SEMA5A: variants seen among roughly 807,000 people sequenced by gnomAD.
The protein encoded by SEMA5A is semaphorin-5A.
In SEMA5A, 55 loss-of-function variants were observed where a neutral mutation model predicts 135.5. The ratio of observed to expected loss-of-function variants is 0.41; its 90% confidence interval spans 0.33 to 0.51. The LOEUF is 0.51. Among genes scored for constraint, SEMA5A ranks in the 20% least tolerant of loss-of-function variants. The pLI is 0.37. For synonymous variants in SEMA5A, 580 were observed against 546.5 expected, an observed-to-expected ratio of 1.06 and a Z score of -0.85; for missense variants, 1,290 against 1,419.9, an observed-to-expected ratio of 0.91 and a Z score of 1.47.
chr5:9,342,216 A>G (rs752538764), intron 3 of SEMA5A, among the ~76,000 whole-genome samples: 1 of 152,224 alleles, frequency 6.6e-6, no homozygotes, highest in South Asian at 2.1e-4. Context: ...AAACCAAAAC[A>G]ACAACAGCAA....
chr5:9,370,398 A>G (rs1235261797), intron 3 of SEMA5A, among the ~76,000 whole-genome samples: 1 of 152,210 alleles, frequency 6.6e-6, no homozygotes, highest in Non-Finnish European at 1.5e-5. Flanking sequence ...GAATCCATTC[A>G]TTTTGGTGCT....
chr5:9,154,093 A>ATATGTGTGTGTGTGTG (rs372321939), intron 12 of SEMA5A, among the ~76,000 whole-genome samples: 4 of 73,510 alleles, frequency 5.4e-5, no homozygotes, highest in East Asian at 6.2e-4. Context: ...ATATATATAT[A>ATATGTGTGTGTGTGTG]TGTGTGTGTG....
At position 9,036,363 on chromosome 5, in the gene SEMA5A, A is replaced by G. The variant is rs192066687; in HGVS notation, c.*6534T>C. 120 of 152,312 alleles carry G rather than the reference A, an allele frequency of 7.9e-4. No individual in the cohort carries two copies. Among genetic ancestry groups the G allele is most frequent in the African/African-American group, 2.8e-3 (117 of 41,582 alleles). The allele number at this position is 152,312 out of a possible 1,614,324, so 9.4% of individuals were successfully genotyped here. A position where few individuals can be genotyped will look rare whatever the true frequency, so the allele number is the denominator to read the frequency against. ...TGAACTTGTGAAGCAGTTTTGATAT[A>G]AACTTAAAAATAATCAGGCAATGTT... On this transcript the variant is annotated 3_prime_UTR_variant, in exon 23 of 23. Coordinates refer to ENST00000382496, the MANE Select transcript of SEMA5A (RefSeq NM_003966.3).
intron 1 of SEMA5A, among the ~76,000 whole-genome samples, chr5:9,505,431 T>C (rs1024528253): frequency 2.6e-5 from 4 of 152,204 alleles, no homozygotes; most frequent in African/African-American, 9.7e-5. Flanking sequence ...TAATTAACAG[T>C]GGGTGATCTC....
chr5:9,262,687 A>C, intron 5 of SEMA5A, among the ~76,000 whole-genome samples: 1 of 84,412 alleles, frequency 1.2e-5, no homozygotes, highest in Admixed American at 1.4e-4. Context: ...ATAGGTGGGA[A>C]TTGAACAATG....
At chr5:9,508,545 G>A (rs1271458894) in intron 1 of SEMA5A, among the ~76,000 whole-genome samples, 2 of 152,170 alleles carry the variant, frequency 1.3e-5, no homozygotes, top group African/African-American at 4.8e-5. Context: ...TCCTTTGGCT[G>A]CTGCAAACTT....
chr5:9,046,596 T>C (rs1210491278), intron 21 of SEMA5A, among the ~76,000 whole-genome samples: 3 of 152,212 alleles, frequency 2.0e-5, no homozygotes, highest in Non-Finnish European at 4.4e-5. Flanking sequence ...CAGTGGCTGA[T>C]AGGCCCCAGG....
chr5:9,275,562 G>A (rs538384307), intron 5 of SEMA5A, among the ~76,000 whole-genome samples: 1 of 152,164 alleles, frequency 6.6e-6, no homozygotes, highest in African/African-American at 2.4e-5. Context: ...TATCCCTGAT[G>A]ATCATCGATG....
chr5:9,220,723 T>C (rs1298198454), intron 8 of SEMA5A, among the ~76,000 whole-genome samples: 1 of 152,192 alleles, frequency 6.6e-6, no homozygotes, highest in East Asian at 1.9e-4. Context: ...CAGCGTGCAC[T>C]ACCTAAGTAT....
intron 11 of SEMA5A, among the ~76,000 whole-genome samples, chr5:9,155,403 G>A (rs1208948750): frequency 1.3e-5 from 2 of 151,104 alleles, no homozygotes; most frequent in East Asian, 3.9e-4. Context: ...TAGCACTGCT[G>A]GAGGGTGAGC....
chr5:9,476,210 C>A (rs1191280270), intron 1 of SEMA5A, among the ~76,000 whole-genome samples: 2 of 152,126 alleles, frequency 1.3e-5, no homozygotes, highest in African/African-American at 4.8e-5. Flanking sequence ...AAGCAATGAA[C>A]ATCTACAATT....
intron 1 of SEMA5A, among the ~76,000 whole-genome samples, chr5:9,507,317 G>T (rs537818554): frequency 6.6e-6 from 1 of 152,204 alleles, no homozygotes; most frequent in Non-Finnish European, 1.5e-5. Flanking sequence ...CTCAGAGAGA[G>T]GGGATGTGAG....
intron 5 of SEMA5A, among the ~76,000 whole-genome samples, chr5:9,269,970 G>T (rs1308269667): frequency 6.6e-6 from 1 of 152,030 alleles, no homozygotes; most frequent in African/African-American, 2.4e-5. Context: ...CCCCTTAGCT[G>T]GTTTCTGGGA....
chr5:9,304,637 T>C (rs1021523558), intron 5 of SEMA5A, among the ~76,000 whole-genome samples: 2 of 152,226 alleles, frequency 1.3e-5, no homozygotes, highest in Admixed American at 1.3e-4. Flanking sequence ...AATAATATTT[T>C]ACTGCTGTTT....
chr5:9,238,437 A>G (rs1232544878), intron 5 of SEMA5A, among the ~76,000 whole-genome samples: 1 of 152,202 alleles, frequency 6.6e-6, no homozygotes, highest in Non-Finnish European at 1.5e-5. Context: ...ATTTTTCCCC[A>G]GTAGCAGTCA....
intron 1 of SEMA5A, among the ~76,000 whole-genome samples, chr5:9,454,111 C>T (rs1169009068): frequency 6.6e-6 from 1 of 152,172 alleles, no homozygotes; most frequent in Non-Finnish European, 1.5e-5. Flanking sequence ...CTGAAGTCAT[C>T]CTGGAGTGAA....
chr5:9,528,912 C>T (rs952000140), intron 1 of SEMA5A, among the ~76,000 whole-genome samples: 1 of 151,978 alleles, frequency 6.6e-6, no homozygotes. Flanking sequence ...CTGGGAGCCA[C>T]GAGTCTCTAG....
intron 15 of SEMA5A, among the ~76,000 whole-genome samples, chr5:9,118,067 G>C (rs1246706072): frequency 1.3e-5 from 2 of 152,124 alleles, no homozygotes; most frequent in South Asian, 2.1e-4. Context: ...TAAGTCTGTT[G>C]GTTCTGTTCG....
At chr5:9,456,896 A>T (rs941933969) in intron 1 of SEMA5A, among the ~76,000 whole-genome samples, 4 of 152,300 alleles carry the variant, frequency 2.6e-5, no homozygotes, top group Admixed American at 1.3e-4. Context: ...AGAGATCAGA[A>T]GTACCCTGCC....
Sources: allele counts gnomAD v4.1 joint callset (sites outside exome capture counted in the v4.1 genomes callset), GRCh38; gene constraint gnomAD v4.1.1; transcripts MANE v1.5; gene names NCBI Gene and HGNC (gene_info 2026-07-23, HGNC 2026-07-21).